The following SLC22A2 variants were observed in gnomAD, a reference collection of about 807,000 sequenced individuals.
SLC22A2 encodes organic cation transporter 2.
In SLC22A2, 46 loss-of-function variants were observed where a neutral mutation model predicts 60.5. That is an observed-to-expected ratio of 0.76 (90% CI 0.60 to 0.97). SLC22A2 has a LOEUF of 0.97. Among genes scored for constraint, SLC22A2 ranks in the 50% least tolerant of loss-of-function variants. The pLI is 0.00. For synonymous variants in SLC22A2, 303 were observed against 267.0 expected (o/e 1.13, Z -1.31); for missense variants, 701 against 706.6 (o/e 0.99, Z 0.09).
At chr6:160,218,690 TCAG>T in intron 10 of SLC22A2, among the ~76,000 whole-genome samples, 1 of 864 alleles carries the variant, frequency 1.2e-3, no homozygotes, top group South Asian at 0.031. Flanking sequence ...AGTAACAGCA[TCAG>T]CAGCAGCAGC....
In SLC22A2 at chr6:160,247,256, C is replaced by T; in HGVS notation, c.885G>A (p.Lys295=). The change falls in exon 5 of 11, where the codon AAG becomes AAA. Residue 295 remains lysine (K), a synonymous_variant. Coordinates refer to ENST00000366953, the MANE Select transcript of SLC22A2 (RefSeq NM_003058.4). ...TAATGATTCTCATGGCTTCAGCATT[C>T]TTATTCTGGGAGATCAGCCACCTGG... ...ESPRWLISQN[K]NAEAMRIIKH... The T allele has an allele frequency of 2.5e-6, 4 of 1,613,752 alleles. No homozygotes were observed. The highest frequency in any genetic ancestry group is 2.5e-6 in the Non-Finnish European group (3 of 1,179,654).
At chr6:160,217,524 G>C (rs1309258842) in intron 10 of SLC22A2, 26 bp from the exon 11 acceptor site, 2 of 1,328,024 alleles carry the variant, frequency 1.5e-6, no homozygotes, top group Non-Finnish European at 2.2e-6. Flanking sequence ...AAAATGGAGA[G>C]GGGAGAAAGA....
intron 10 of SLC22A2, among the ~76,000 whole-genome samples, chr6:160,223,805 G>A (rs1254815750): frequency 6.6e-6 from 1 of 152,156 alleles, no homozygotes; most frequent in Non-Finnish European, 1.5e-5. Context: ...TCAGCTCACT[G>A]CAACCTCTGC....
At chr6:160,249,162 C>T in intron 4 of SLC22A2, 54 bp downstream of exon 4, 1 of 1,308,626 alleles carries the variant, frequency 7.6e-7, no homozygotes, top group Non-Finnish European at 1.1e-6. Context: ...AGGCAGACTT[C>T]TTAGCAGAAT....
At chr6:160,227,497 G>A (rs562107063) in intron 9 of SLC22A2, among the ~76,000 whole-genome samples, 4 of 152,254 alleles carry the variant, frequency 2.6e-5, no homozygotes, top group South Asian at 4.1e-4. Context: ...TGCTTAATAC[G>A]TATAAAACCA....
At chr6:160,236,935 T>C (rs1782920983) in intron 9 of SLC22A2, among the ~76,000 whole-genome samples, 1 of 152,246 alleles carries the variant, frequency 6.6e-6, no homozygotes, top group Non-Finnish European at 1.5e-5. Flanking sequence ...AAAAAGCCTA[T>C]GTGAAAAATA....
chr6:160,229,536 T>G (rs900781604), intron 9 of SLC22A2, among the ~76,000 whole-genome samples: 1 of 151,820 alleles, frequency 6.6e-6, no homozygotes, highest in African/African-American at 2.4e-5. Flanking sequence ...TCACCCACAT[T>G]GCAGCCCAGG....
At chr6:160,249,537 T>C (rs1206985924) in intron 3 of SLC22A2, among the ~76,000 whole-genome samples, 153 bp from the exon 4 acceptor site, 2 of 152,242 alleles carry the variant, frequency 1.3e-5, no homozygotes, top group Admixed American at 1.3e-4. Flanking sequence ...TTTTTTGGTT[T>C]TTATTTTGTT....
intron 9 of SLC22A2, among the ~76,000 whole-genome samples, chr6:160,240,449 A>T (rs1782980820): frequency 6.6e-6 from 1 of 152,182 alleles, no homozygotes; most frequent in Admixed American, 6.5e-5. Flanking sequence ...CTTTAGTTTT[A>T]GAAGCTAAGC....
intron 9 of SLC22A2, among the ~76,000 whole-genome samples, chr6:160,232,549 G>C (rs943622665): frequency 6.8e-6 from 1 of 147,278 alleles, no homozygotes; most frequent in African/African-American, 2.5e-5. Flanking sequence ...ACTATGCAAG[G>C]GTCCTCCATC....
intron 9 of SLC22A2, among the ~76,000 whole-genome samples, chr6:160,227,762 T>C (rs1262877577): frequency 6.6e-6 from 1 of 152,234 alleles, no homozygotes; most frequent in African/African-American, 2.4e-5. Flanking sequence ...GTTAGCACTC[T>C]AAGTCACAGG....
At chr6:160,248,063 G>A (rs1175101816) in intron 4 of SLC22A2, among the ~76,000 whole-genome samples, 1 of 152,194 alleles carries the variant, frequency 6.6e-6, no homozygotes, top group African/African-American at 2.4e-5. Flanking sequence ...ACAGCAGGAA[G>A]GGTCACTCTC....
intron 9 of SLC22A2, among the ~76,000 whole-genome samples, chr6:160,234,080 T>C (rs940310242): frequency 3.9e-5 from 6 of 152,190 alleles, no homozygotes; most frequent in Non-Finnish European, 7.3e-5. Flanking sequence ...TTCCTTCTCC[T>C]GGCTCATCCT....
chr6:160,258,164 T>C (rs2114874820), intron 1 of SLC22A2, among the ~76,000 whole-genome samples, 180 bp downstream of exon 1: 1 of 152,350 alleles, frequency 6.6e-6, no homozygotes, highest in Admixed American at 6.5e-5. Context: ...CTAATCCAGT[T>C]ATTCTCCAGA....
rs753869186 is a variant in SLC22A2, at chr6:160,243,578, G to A, written c.1273C>T (p.Pro425Ser). 6.2e-7 allele frequency: 1 copy of A among 1,612,486 alleles called. No homozygotes were observed. Among genetic ancestry groups the A allele is most frequent in the Non-Finnish European group, 8.5e-7 (1 of 1,178,564 alleles). The change falls in exon 7 of 11, where the codon CCT (proline) becomes TCT (serine). Residue 425 changes from proline to serine, a missense_variant. Transcript: ENST00000366953. The part of the protein sequence containing the change: ...GAACLASVFI[P>S]GDLQWLKIII... ...AACTTCACCTGAAACTTACCACCAG[G>A]TATAAAAACTGAGGCCAGACAGGCT...
At chr6:160,221,293 C>T (rs1782640983) in intron 10 of SLC22A2, among the ~76,000 whole-genome samples, 1 of 152,236 alleles carries the variant, frequency 6.6e-6, no homozygotes, top group Admixed American at 6.5e-5. Flanking sequence ...TCTTCTGCTA[C>T]TTCTTCACCT....
chr6:160,227,213 T>C (rs1322191196), intron 9 of SLC22A2, among the ~76,000 whole-genome samples: 1 of 152,192 alleles, frequency 6.6e-6, no homozygotes, highest in Non-Finnish European at 1.5e-5. Context: ...AAGATCTGTA[T>C]AGGAAACATT....
At chr6:160,258,056 C>T (rs1481882627) in intron 1 of SLC22A2, 3 of 371,952 alleles carry the variant, frequency 8.1e-6, no homozygotes, top group African/African-American at 6.3e-5. Flanking sequence ...CCTATCTTGG[C>T]AACATTTCCA....
chr6:160,256,849 A>G (rs943779872), intron 1 of SLC22A2, 132 bp from the exon 2 acceptor site: 24 of 622,888 alleles, frequency 3.9e-5, no homozygotes, highest in Non-Finnish European at 6.3e-5. Context: ...TTAAGTGGCA[A>G]TAAGCCATTG....
Sources: allele counts gnomAD v4.1 joint callset (sites outside exome capture counted in the v4.1 genomes callset), GRCh38; gene constraint gnomAD v4.1.1; transcripts MANE v1.5; gene names NCBI Gene and HGNC (gene_info 2026-07-23, HGNC 2026-07-21).